OTUD7A: variants seen among roughly 807,000 people sequenced by gnomAD.
OTUD7A encodes OTU deubiquitinase 7A.
OTUD7A carries 12 observed loss-of-function variants against 65.7 expected under a neutral mutation model. The ratio of observed to expected loss-of-function variants is 0.18; its 90% confidence interval spans 0.12 to 0.30. OTUD7A has a LOEUF of 0.30. Among genes scored for constraint, OTUD7A ranks in the 10% least tolerant of loss-of-function variants. The pLI, the probability that OTUD7A is intolerant of heterozygous loss-of-function variation, is 1.00. For synonymous variants in OTUD7A, 641 were observed against 586.3 expected, an observed-to-expected ratio of 1.09 and a Z score of -1.35; for missense variants, 1,148 against 1,304.8, an observed-to-expected ratio of 0.88 and a Z score of 1.85.
chr15:31,725,910 C>T (rs1315971190), intron 1 of OTUD7A, among the ~76,000 whole-genome samples: 2 of 152,008 alleles, frequency 1.3e-5, no homozygotes, highest in Non-Finnish European at 2.9e-5. Flanking sequence ...TTTGAGCTGC[C>T]GAGATCTGGG....
intron 1 of OTUD7A, among the ~76,000 whole-genome samples, chr15:31,667,797 G>C (rs1336808653): frequency 4.6e-5 from 7 of 152,108 alleles, no homozygotes; most frequent in Non-Finnish European, 8.8e-5. Flanking sequence ...TCTAGGATTT[G>C]TTTCAAGATT....
intron 1 of OTUD7A, among the ~76,000 whole-genome samples, chr15:31,861,449 G>A (rs1295261647): frequency 6.6e-6 from 1 of 152,130 alleles, no homozygotes; most frequent in Non-Finnish European, 1.5e-5. Flanking sequence ...TTCTGATGAT[G>A]CATTTCTGAA....
chr15:31,531,962 C>T (rs547952375), intron 5 of OTUD7A, among the ~76,000 whole-genome samples: 2 of 152,296 alleles, frequency 1.3e-5, no homozygotes, highest in East Asian at 1.9e-4. Flanking sequence ...CCCCAGGTAT[C>T]AACAGGGGCA....
intron 1 of OTUD7A, chr15:31,766,851 A>G: frequency 6.2e-7 from 1 of 1,611,896 alleles, no homozygotes; most frequent in Middle Eastern, 1.7e-4. Context: ...TGTTCGGAAA[A>G]GATTGATGGA....
intron 1 of OTUD7A, among the ~76,000 whole-genome samples, chr15:31,727,966 C>T (rs942439811): frequency 1.3e-5 from 2 of 152,148 alleles, no homozygotes; most frequent in East Asian, 1.9e-4. Context: ...TCAGTAGCCA[C>T]GTCTTTAAAT....
intron 1 of OTUD7A, among the ~76,000 whole-genome samples, chr15:31,831,546 G>A (rs1025426845): frequency 3.9e-4 from 60 of 152,334 alleles, no homozygotes; most frequent in Non-Finnish European, 7.9e-4. Flanking sequence ...TGCTGGTGAG[G>A]ACGCCCAGTG....
chr15:31,770,720 A>C (rs1895211992), intron 1 of OTUD7A, among the ~76,000 whole-genome samples: 1 of 152,238 alleles, frequency 6.6e-6, no homozygotes, highest in Admixed American at 6.5e-5. Flanking sequence ...GACCAATTTG[A>C]ATTTATTCCA....
At chr15:31,667,132 A>G (rs1892343073) in intron 1 of OTUD7A, among the ~76,000 whole-genome samples, 1 of 152,208 alleles carries the variant, frequency 6.6e-6, no homozygotes, top group Non-Finnish European at 1.5e-5. Context: ...TTCTGTACAT[A>G]TCTGTTAAGT....
At chr15:31,539,535 G>A (rs1318339712) in intron 5 of OTUD7A, among the ~76,000 whole-genome samples, 1 of 152,140 alleles carries the variant, frequency 6.6e-6, no homozygotes, top group Non-Finnish European at 1.5e-5. Context: ...AGTGCATAAA[G>A]AGCCATAACA....
chr15:31,773,788 C>T (rs73378685), intron 1 of OTUD7A, among the ~76,000 whole-genome samples: 2,607 of 152,212 alleles, frequency 0.017, 81 homozygotes, highest in African/African-American at 0.06. Context: ...CATTTGCAGT[C>T]GACCAACAGA....
intron 3 of OTUD7A, among the ~76,000 whole-genome samples, chr15:31,574,008 T>C (rs944528448): frequency 2.0e-5 from 3 of 152,220 alleles, no homozygotes; most frequent in East Asian, 1.9e-4. Context: ...ACAAAAGATA[T>C]ACTATTGGTT....
At chr15:31,514,239 C>T (rs928413572) in intron 8 of OTUD7A, among the ~76,000 whole-genome samples, 4 of 151,892 alleles carry the variant, frequency 2.6e-5, no homozygotes, top group Non-Finnish European at 4.4e-5. Flanking sequence ...TTTGTAGAGA[C>T]GGGGTCTCGC....
chr15:31,596,499 C>A (rs1403047961), intron 3 of OTUD7A, among the ~76,000 whole-genome samples: 1 of 152,138 alleles, frequency 6.6e-6, no homozygotes, highest in African/African-American at 2.4e-5. Context: ...TAGTTAATAT[C>A]CAAGAGTAGA....
intron 1 of OTUD7A, among the ~76,000 whole-genome samples, chr15:31,743,229 T>C (rs1201560878): frequency 6.6e-6 from 1 of 151,830 alleles, no homozygotes; most frequent in Non-Finnish European, 1.5e-5. Context: ...CTCAATAAAA[T>C]TCAAAATGCT....
At chr15:31,859,585 GAA>G (rs1897667566) in intron 1 of OTUD7A, among the ~76,000 whole-genome samples, 6 of 152,260 alleles carry the variant, frequency 3.9e-5, no homozygotes, top group African/African-American at 1.4e-4. Flanking sequence ...TAATATATAA[GAA>G]GAGAAGAGGA....
intron 5 of OTUD7A, among the ~76,000 whole-genome samples, chr15:31,550,493 A>C (rs1199493723): frequency 6.6e-6 from 1 of 152,170 alleles, no homozygotes; most frequent in African/African-American, 2.4e-5. Flanking sequence ...CTCTCTAGGC[A>C]CCAACAGTTA....
At chr15:31,736,106 T>G (rs1271037864) in intron 1 of OTUD7A, among the ~76,000 whole-genome samples, 1 of 152,100 alleles carries the variant, frequency 6.6e-6, no homozygotes, top group Admixed American at 6.5e-5. Context: ...AAATAACTAA[T>G]GGGTACTAGG....
intron 1 of OTUD7A, among the ~76,000 whole-genome samples, chr15:31,720,425 G>A (rs1264336020): frequency 9.5e-5 from 14 of 146,908 alleles, no homozygotes; most frequent in Non-Finnish European, 1.5e-4. Context: ...TTTTTGAGAC[G>A]GAGTCTCGCT....
chr15:31,572,994 A>G (rs1356450913), intron 3 of OTUD7A, among the ~76,000 whole-genome samples: 2 of 152,134 alleles, frequency 1.3e-5, no homozygotes, highest in Non-Finnish European at 2.9e-5. Flanking sequence ...AAAAAAGCAA[A>G]CTTTTTGAAA....
Sources: allele counts gnomAD v4.1 joint callset (sites outside exome capture counted in the v4.1 genomes callset), GRCh38; gene constraint gnomAD v4.1.1; transcripts MANE v1.5; gene names NCBI Gene and HGNC (gene_info 2026-07-23, HGNC 2026-07-21).